ZC3HAV1: variants seen among roughly 807,000 people sequenced by gnomAD.
ZC3HAV1 encodes the protein zinc finger CCCH-type antiviral protein 1.
Under a neutral mutation model 86.6 loss-of-function variants are expected in ZC3HAV1, and 41 were observed. That is an observed-to-expected ratio of 0.47 (90% CI 0.37 to 0.61). ZC3HAV1 has a LOEUF of 0.61. Among genes scored for constraint, ZC3HAV1 ranks in the 20% least tolerant of loss-of-function variants. ZC3HAV1 has a pLI of 0.00. For missense variants in ZC3HAV1, 964 were observed against 1,141.1 expected (o/e 0.84, Z 2.24); for synonymous variants, 421 against 432.1 (o/e 0.97, Z 0.32).
chr7:139,070,368 T>C (rs895061614), intron 7 of ZC3HAV1, among the ~76,000 whole-genome samples: 1 of 152,082 alleles, frequency 6.6e-6, no homozygotes, highest in Non-Finnish European at 1.5e-5. Context: ...GAACTTTGTA[T>C]TAAAAACCTC....
rs1159185212 is a variant in ZC3HAV1, at chr7:139,083,912, G to A, written c.565C>T (p.Arg189Trp). Reference protein sequence around the residue: ...RGNCRFPNCLRSHNLMDRKVL... With the variant: ...RGNCRFPNCLWSHNLMDRKVL... Reference sequence around the variant, plus strand: ...TTTCTGTCCATCAGGTTATGGGACCGGAGGCAGTTGGGAAAACGACAGTTC... The same window carrying A: ...TTTCTGTCCATCAGGTTATGGGACCAGAGGCAGTTGGGAAAACGACAGTTC... The change falls in exon 3 of 13, where the codon CGG (arginine) becomes TGG (tryptophan). Residue 189 changes from arginine (R) to tryptophan (W), a missense_variant. Physicochemically the swap from Arg to Trp is moderately radical, Grantham distance 101. Transcript: ENST00000242351. 7 of 1,614,064 alleles carry A rather than the reference G, an allele frequency of 4.3e-6. No homozygotes were observed. Among genetic ancestry groups the A allele is most frequent in the East Asian group, 2.2e-5 (1 of 44,870 alleles).
At position 139,047,328 on chromosome 7, in the gene ZC3HAV1, CAAAAAAAAAA is replaced by C. The variant is rs367919128; in HGVS notation, c.*256_*265del. ...TGGACGATGGAGTGAGATTCAGTCT[CAAAAAAAAAA>C]AAAAAAAAAAAAATACAACTGCCTG... is the stretch of plus-strand genomic sequence containing the variant. On this transcript the variant is annotated 3_prime_UTR_variant, in exon 13 of 13. Coordinates refer to ENST00000242351, the MANE Select transcript of ZC3HAV1 (RefSeq NM_020119.4). 39 of 261,820 alleles carry C rather than the reference CAAAAAAAAAA, an allele frequency of 1.5e-4. No individual in the cohort carries two copies. Among genetic ancestry groups the C allele is most frequent in the East Asian group, 5.8e-4 (4 of 6,942 alleles). 16.2% of individuals were successfully genotyped at this position (261,820 alleles called of 1,614,324 possible). A position where few individuals can be genotyped will look rare whatever the true frequency, so the allele number is the denominator to read the frequency against.
rs1306200938 is a variant in ZC3HAV1 at position 139,053,545 on chromosome 7, T to C, written c.2355A>G (p.Leu785=). 3 of 1,603,778 alleles carry C rather than the reference T, an allele frequency of 1.9e-6. No homozygotes were observed. The highest frequency in any genetic ancestry group is 3.5e-5 in the Admixed American group (2 of 57,146). The part of the protein sequence containing the change: ...KSQMKEEGKL[L]FYATSRAYVE... ...CATAGGCACGGCTTGTCGCATAAAATAGGAGTTTTCCTTCTTCCTTCATCT... is the reference window on the plus strand; with the variant it reads ...CATAGGCACGGCTTGTCGCATAAAACAGGAGTTTTCCTTCTTCCTTCATCT... The change falls in exon 12 of 13, where the codon CTA becomes CTG. Residue 785 remains leucine, a synonymous_variant. Coordinates refer to ENST00000242351, the MANE Select transcript of ZC3HAV1 (RefSeq NM_020119.4).
chr7:139,094,086 A>C (rs1275201422), intron 1 of ZC3HAV1, among the ~76,000 whole-genome samples: 1 of 152,122 alleles, frequency 6.6e-6, no homozygotes, highest in Non-Finnish European at 1.5e-5. Flanking sequence ...GGTTTTCAGA[A>C]ATGCAAATTC....
At chr7:139,060,999 A>G (rs960403936) in intron 9 of ZC3HAV1, 37 bp downstream of exon 9, 1 of 1,612,446 alleles carries the variant, frequency 6.2e-7, no homozygotes, top group South Asian at 1.1e-5. Context: ...GAACATCTCA[A>G]GCATCTGTCA....
In ZC3HAV1 at chr7:139,044,696, A is replaced by G. The variant is rs1815909183; in HGVS notation, c.*2898T>C. The G allele has an allele frequency of 6.6e-6, 1 of 152,608 alleles. No individual in the cohort carries two copies. The highest frequency in any genetic ancestry group is 2.4e-5 in the African/African-American group (1 of 41,428). 9.5% of individuals were successfully genotyped at this position (152,608 alleles called of 1,614,324 possible). A position where few individuals can be genotyped will look rare whatever the true frequency, so the allele number is the denominator to read the frequency against. On this transcript the variant is annotated 3_prime_UTR_variant, in exon 13 of 13. Transcript: ENST00000242351. Reference sequence around the variant, plus strand: ...AGCCAAGTATGCAGAACATCTTGCAATACATTGGACAGTTCCTCACAATAA... The same window carrying G: ...AGCCAAGTATGCAGAACATCTTGCAGTACATTGGACAGTTCCTCACAATAA...
chr7:139,054,064 T>C lies in ZC3HAV1; in HGVS notation c.2219A>G (p.Tyr740Cys). The C allele has an allele frequency of 1.3e-6, 2 of 1,597,448 alleles. No homozygotes were observed. The highest frequency in any genetic ancestry group is 2.3e-5 in the South Asian group (2 of 86,842). Residue 740 changes from tyrosine (Y) to cysteine (C), a missense_variant, in exon 11 of 13, where the codon TAT becomes TGT. Physicochemically the swap from Tyr to Cys is radical, Grantham distance 194 (BLOSUM62 -2). Coordinates refer to ENST00000242351, the MANE Select transcript of ZC3HAV1 (RefSeq NM_020119.4). ...TTTAAAATGCTCACTTACTCTGACA[T>C]ATTCTGGATGTAGGTGATGGATCTC... ...LSEIHHLHPE[Y>C]VRVSEHFKAS...
chr7:139,060,686 AAAAAAAAGAATCCAC>A (rs1295704276), intron 9 of ZC3HAV1: 1 of 1,094,054 alleles, frequency 9.1e-7, no homozygotes, highest in Non-Finnish European at 1.1e-6. Flanking sequence ...AAAAAAAAAA[AAAAAAAAGAATCCAC>A]AGCAAAACAA....
intron 1 of ZC3HAV1, among the ~76,000 whole-genome samples, chr7:139,101,817 G>A (rs954512811): frequency 2.6e-5 from 4 of 151,938 alleles, no homozygotes; most frequent in Admixed American, 6.5e-5. Context: ...CAGCAGACTC[G>A]TTAAGAGTCA....
chr7:139,109,287 G>C lies in ZC3HAV1; in HGVS notation c.45C>G (p.Cys15Trp). 6.2e-7 allele frequency: 1 copy of C among 1,610,576 alleles called. No individual in the cohort carries two copies. The highest frequency in any genetic ancestry group is 8.5e-7 in the Non-Finnish European group (1 of 1,179,136). ...EVCCFITKIL[C>W]AHGGRMALDA... The stretch of plus-strand genomic sequence containing the variant: ...CCAGGGCCATGCGGCCCCCGTGGGC[G>C]CACAGGATTTTGGTGATGAAGCAGC... Residue 15 changes from cysteine to tryptophan, a missense_variant, in exon 1 of 13, where the codon TGC becomes TGG. Cys to Trp is a radical substitution (Grantham distance 215). Coordinates refer to ENST00000242351, the MANE Select transcript of ZC3HAV1 (RefSeq NM_020119.4).
Position 139,047,687 on chromosome 7 carries a change from C to T in ZC3HAV1, c.2616G>A (p.Ser872=), listed in dbSNP as rs1815998753. 3.7e-6 allele frequency: 6 copies of T among 1,614,014 alleles called. No homozygotes were observed. The African/African-American group carries it at 5.3e-5, about 14-fold the overall frequency. Residue 872 remains serine (S), a synonymous_variant, in exon 13 of 13, where the codon TCG becomes TCA. Transcript: ENST00000242351. ...GAAAGATGACAAAAACGGAGGGATT[C>T]GATCTGGTATCCACACAGCTGTCGA... ...PQFDSCVDTR[S]NPSVFVIFQK...
At chr7:139,071,458 T>C (rs1323646724) in intron 7 of ZC3HAV1, among the ~76,000 whole-genome samples, 1 of 152,160 alleles carries the variant, frequency 6.6e-6, no homozygotes, top group Admixed American at 6.5e-5. Flanking sequence ...CCTTCCCCTT[T>C]ATATCTTACT....
At chr7:139,105,713 G>C (rs1243405469) in intron 1 of ZC3HAV1, among the ~76,000 whole-genome samples, 2 of 152,174 alleles carry the variant, frequency 1.3e-5, no homozygotes, top group Non-Finnish European at 2.9e-5. Flanking sequence ...TGTAAACAGA[G>C]ACCAGTTTAG....
intron 7 of ZC3HAV1, among the ~76,000 whole-genome samples, chr7:139,067,663 G>GCTT (rs1816645828): frequency 6.6e-6 from 1 of 152,086 alleles, no homozygotes; most frequent in African/African-American, 2.4e-5. Context: ...TTACTACTAG[G>GCTT]TAATCTATGC....
At chr7:139,076,533 T>C (rs183813951) in intron 5 of ZC3HAV1, 124 bp from the exon 6 acceptor site, 3 of 1,282,896 alleles carry the variant, frequency 2.3e-6, no homozygotes, top group South Asian at 2.7e-5. Context: ...GTTCCATCTA[T>C]ACCAGCTGAC....
At chr7:139,063,837 A>C (rs1323239733) in intron 8 of ZC3HAV1, among the ~76,000 whole-genome samples, 1 of 151,724 alleles carries the variant, frequency 6.6e-6, no homozygotes, top group Non-Finnish European at 1.5e-5. Context: ...CAGATACGCC[A>C]CTGAAATTTA....
chr7:139,096,387 C>T (rs969960452), intron 1 of ZC3HAV1, among the ~76,000 whole-genome samples: 15 of 152,108 alleles, frequency 9.9e-5, no homozygotes, highest in Non-Finnish European at 1.6e-4. Context: ...TTCTCCCCAC[C>T]ACCCGCCACA....
In ZC3HAV1 at chr7:139,065,797, G is replaced by A. The variant is rs183343087; in HGVS notation, c.1873-798C>T. On this transcript the variant is annotated intron_variant, in intron 7 of 12. Transcript: ENST00000242351. ...CATGCACCTGTAGTCCCAGCTACTC[G>A]GGAGGCTGAGACAGGAGAATCGCTT... 1.4e-3 allele frequency among the ~76,000 whole-genome samples: 211 copies of A among 152,112 alleles called. 1 individual carries two copies. The highest frequency in any genetic ancestry group is 4.8e-3 in the African/African-American group (198 of 41,482).
intron 6 of ZC3HAV1, 130 bp downstream of exon 6, chr7:139,076,155 CA>C: frequency 7.0e-7 from 1 of 1,429,374 alleles, no homozygotes; most frequent in Non-Finnish European, 9.5e-7. Context: ...TTTTTTATCT[CA>C]AGAGGTATTT....
Sources: allele counts gnomAD v4.1 joint callset (sites outside exome capture counted in the v4.1 genomes callset), GRCh38; gene constraint gnomAD v4.1.1; transcripts MANE v1.5; gene names NCBI Gene and HGNC (gene_info 2026-07-23, HGNC 2026-07-21).